KCNU1: variants seen among roughly 807,000 people sequenced by gnomAD.
KCNU1 encodes potassium channel subfamily U member 1.
Under a neutral mutation model 126.8 loss-of-function variants are expected in KCNU1, and 93 were observed. The ratio of observed to expected loss-of-function variants is 0.73; its 90% confidence interval spans 0.62 to 0.87. The LOEUF is 0.87. Among genes scored for constraint, KCNU1 ranks in the 40% least tolerant of loss-of-function variants. KCNU1 has a pLI of 0.00. For synonymous variants in KCNU1, 523 were observed against 494.2 expected (o/e 1.06, Z -0.77); for missense variants, 1,330 against 1,367.1 (o/e 0.97, Z 0.43).
chr8:36,879,203 G>GTA (rs1806377908), intron 19 of KCNU1, among the ~76,000 whole-genome samples: 2 of 61,728 alleles, frequency 3.2e-5, no homozygotes, highest in African/African-American at 5.3e-5. Context: ...GTGTGTGTGT[G>GTA]TGTGTGTGTA....
chr8:36,808,159 A>G (rs1177391957), intron 6 of KCNU1, among the ~76,000 whole-genome samples: 1 of 152,160 alleles, frequency 6.6e-6, no homozygotes, highest in Admixed American at 6.5e-5. Context: ...CCTGAAAACC[A>G]GAGAGATCTC....
chr8:36,884,653 T>C (rs1806622276), intron 19 of KCNU1, among the ~76,000 whole-genome samples: 1 of 152,032 alleles, frequency 6.6e-6, no homozygotes, highest in South Asian at 2.1e-4. Context: ...GTAGAATCGC[T>C]TGAACCCAGG....
At chr8:36,840,335 G>C in intron 14 of KCNU1, 128 bp from the exon 15 acceptor site, 1 of 598,966 alleles carries the variant, frequency 1.7e-6, no homozygotes, top group South Asian at 2.1e-5. Context: ...TAAGCACTAA[G>C]ATAAATCTCT....
chr8:36,786,380 G>A (rs1422454581), intron 1 of KCNU1, among the ~76,000 whole-genome samples: 2 of 152,120 alleles, frequency 1.3e-5, no homozygotes, highest in Admixed American at 6.5e-5. Flanking sequence ...ACCGACATGA[G>A]TCATGTTTAT....
intron 19 of KCNU1, among the ~76,000 whole-genome samples, chr8:36,868,093 C>A (rs1805976083): frequency 6.6e-6 from 1 of 152,108 alleles, no homozygotes; most frequent in African/African-American, 2.4e-5. Flanking sequence ...GGTGGTATAT[C>A]CTTGAACAAA....
intron 18 of KCNU1, among the ~76,000 whole-genome samples, chr8:36,851,314 G>A (rs1421849569): frequency 6.6e-6 from 1 of 151,842 alleles, no homozygotes; most frequent in African/African-American, 2.4e-5. Flanking sequence ...TTTCCCCCAC[G>A]TTGCTCTTGT....
chr8:36,920,717 T>C (rs146013739), intron 23 of KCNU1, among the ~76,000 whole-genome samples: 55 of 152,294 alleles, frequency 3.6e-4, no homozygotes, highest in Non-Finnish European at 7.2e-4. Context: ...TATTTGTGTG[T>C]GTGTGTGCGT....
chr8:36,935,912 C>T lies in KCNU1; in HGVS notation c.3442C>T (p.Pro1148Ser). 6.4e-7 allele frequency: 1 copy of T among 1,571,356 alleles called. No individual in the cohort carries two copies. The highest frequency in any genetic ancestry group is 1.2e-5 in the South Asian group (1 of 83,488). The change falls in exon 27 of 27, where the codon CCA (proline) becomes TCA (serine). Residue 1148 changes from proline (P) to serine (S), a missense_variant. Physicochemically the swap from Pro to Ser is moderately conservative, Grantham distance 74. Around this residue, in one of 3 missense-constraint regions of KCNU1, gnomAD observed 1,054 missense variants for 1,053.9 expected, o/e 1.00. Coordinates refer to ENST00000399881, the MANE Select transcript of KCNU1 (RefSeq NM_001031836.3). Reference protein sequence around the residue: ...YDEDPFAYSEPL With the variant: ...YDEDPFAYSESL Reference sequence around the variant, plus strand: ...TGAGGATCCCTTTGCATATTCAGAGCCACTATAGACCTGCCCATATTCTTC... The same window carrying T: ...TGAGGATCCCTTTGCATATTCAGAGTCACTATAGACCTGCCCATATTCTTC...
At chr8:36,929,133 G>C (rs1808620250) in intron 24 of KCNU1, 5 of 609,282 alleles carry the variant, frequency 8.2e-6, no homozygotes, top group Non-Finnish European at 5.9e-6. Flanking sequence ...TGTAATCCCA[G>C]CACTTTGGGA....
At chr8:36,803,967 T>C in intron 2 of KCNU1, 60 bp from the exon 3 acceptor site, 1 of 1,133,920 alleles carries the variant, frequency 8.8e-7, no homozygotes, top group African/African-American at 1.5e-5. Flanking sequence ...CACACTTTTG[T>C]CGATTTATTT....
chr8:36,799,720 T>G (rs1235531695), intron 2 of KCNU1, among the ~76,000 whole-genome samples: 1 of 151,828 alleles, frequency 6.6e-6, no homozygotes, highest in African/African-American at 2.4e-5. Flanking sequence ...TTTTGTATTT[T>G]TAGTAGAGAT....
intron 19 of KCNU1, among the ~76,000 whole-genome samples, chr8:36,893,701 T>C (rs1410536228): frequency 6.6e-6 from 1 of 152,054 alleles, no homozygotes; most frequent in Non-Finnish European, 1.5e-5. Context: ...TACCAAGATC[T>C]CACCATTTTT....
At chr8:36,836,689 A>G in intron 13 of KCNU1, 104 bp from the exon 14 acceptor site, 2 of 991,684 alleles carry the variant, frequency 2.0e-6, no homozygotes, top group South Asian at 1.7e-5. Flanking sequence ...AATGAAGAAT[A>G]TATGATTTCA....
At chr8:36,903,517 T>TTAAA (rs1409525818) in intron 19 of KCNU1, among the ~76,000 whole-genome samples, 1 of 152,126 alleles carries the variant, frequency 6.6e-6, no homozygotes, top group African/African-American at 2.4e-5. Flanking sequence ...ACAGATACTT[T>TTAAA]TAAATAAATA....
chr8:36,877,526 C>G (rs1242796904), intron 19 of KCNU1, among the ~76,000 whole-genome samples: 1 of 152,126 alleles, frequency 6.6e-6, no homozygotes, highest in African/African-American at 2.4e-5. Context: ...TGGTCTCAAA[C>G]TTCTGATCTC....
At position 36,833,403 on chromosome 8, in the gene KCNU1, A is replaced by G. The variant is rs1804626498; in HGVS notation, c.1107-151A>G. 9.1e-6 allele frequency: 4 copies of G among 441,290 alleles called. No homozygotes were observed. The East Asian group carries it at 1.4e-4, about 15-fold the overall frequency. The allele number at this position is 441,290 out of a possible 1,614,324, so 27.3% of individuals were successfully genotyped here. On this transcript the variant is annotated intron_variant, in intron 10 of 26. Coordinates refer to ENST00000399881, the MANE Select transcript of KCNU1 (RefSeq NM_001031836.3). ...GAACTTCTTCATCCTTAGTAATTAC[A>G]TTTTTTAAAAAAATAGTATTAACTT...
chr8:36,838,825 A>G (rs1804848875), intron 14 of KCNU1, among the ~76,000 whole-genome samples: 1 of 152,242 alleles, frequency 6.6e-6, no homozygotes, highest in Non-Finnish European at 1.5e-5. Flanking sequence ...TATGGTCTCC[A>G]TAATGTTTTT....
At chr8:36,808,858 G>A in intron 7 of KCNU1, 65 bp downstream of exon 7, 1 of 1,146,562 alleles carries the variant, frequency 8.7e-7, no homozygotes, top group Middle Eastern at 1.9e-4. Context: ...TTGAAAAATG[G>A]AAGGGAACCT....
rs986907499 is a variant in KCNU1 at position 36,877,955 on chromosome 8, T to C, written c.2009+13434T>C. Among the ~76,000 whole-genome samples the C allele has an allele frequency of 3.3e-5, 5 of 152,196 alleles. No individual in the cohort carries two copies. In the East Asian group the frequency reaches 9.6e-4, roughly 29 times the overall value. On this transcript the variant is annotated intron_variant, in intron 19 of 26. Transcript: ENST00000399881. ...TGGTCCTGTGTGTATACATAGAATG[T>C]TCTTCTGTCTTCCCATCTTTGCCTA...
Sources: gnomAD v4.1 joint callset for allele counts (sites outside exome capture counted in the v4.1 genomes callset) on GRCh38, gnomAD v4.1.1 for gene constraint, gnomAD v4.1.1 regional missense constraint, MANE v1.5 for transcripts, NCBI Gene and HGNC (gene_info 2026-07-23, HGNC 2026-07-21) for gene names.